The following C1orf105 variants were observed in gnomAD, a reference collection of about 807,000 sequenced individuals.
C1orf105 encodes the protein chromosome 1 open reading frame 105, also known as uncharacterized protein C1orf105.
C1orf105 carries 17 observed loss-of-function variants against 20.8 expected under a neutral mutation model. The observed-to-expected ratio is 0.82, with a 90% CI of 0.56 to 1.23. C1orf105 has a LOEUF of 1.23. Ranked by LOEUF, C1orf105 falls within the 50% of genes most tolerant of loss-of-function variation. The pLI, the probability that C1orf105 is intolerant of heterozygous loss-of-function variation, is 0.00. For synonymous variants in C1orf105, 72 were observed against 72.1 expected (o/e 1.00, Z 0.01); for missense variants, 219 against 213.5 (o/e 1.03, Z -0.16).
chr1:172,460,227 C>T (rs1558144232), intron 4 of C1orf105, among the ~76,000 whole-genome samples: 1 of 152,104 alleles, frequency 6.6e-6, no homozygotes, highest in Non-Finnish European at 1.5e-5. Context: ...AAGAAATTAG[C>T]ACTAAATAAA....
chr1:172,467,031 C>T (rs907420544), intron 6 of C1orf105, among the ~76,000 whole-genome samples: 1 of 152,224 alleles, frequency 6.6e-6, no homozygotes, highest in Non-Finnish European at 1.5e-5. Flanking sequence ...GGCTTGGCCT[C>T]TGTGTTCCCA....
At chr1:172,445,388 C>A (rs980233463) in intron 2 of C1orf105, among the ~76,000 whole-genome samples, 13 of 152,208 alleles carry the variant, frequency 8.5e-5, no homozygotes, top group African/African-American at 3.1e-4. Context: ...CCACCACTAC[C>A]ACTCAACAGT....
At position 172,462,218 on chromosome 1, in the gene C1orf105, C is replaced by T; in HGVS notation, c.314C>T (p.Ala105Val). 6.2e-7 allele frequency: 1 copy of T among 1,609,826 alleles called. No individual in the cohort carries two copies. The highest frequency in any genetic ancestry group is 8.5e-7 in the Non-Finnish European group (1 of 1,178,110). ...RTMKIPDDPK[A>V]SFENCMSYRM... The stretch of plus-strand genomic sequence containing the variant: ...ATGAAAATCCCAGATGATCCAAAAG[C>T]ATCCTTTGAGAATTGTATGAGTTAT... Residue 105 changes from alanine to valine, a missense_variant, in exon 5 of 7, where the codon GCA becomes GTA. By Grantham distance (64) the Ala-to-Val change is moderately conservative. Transcript: ENST00000367727.
At chr1:172,446,489 T>C (rs1648017766) in intron 2 of C1orf105, among the ~76,000 whole-genome samples, 1 of 152,162 alleles carries the variant, frequency 6.6e-6, no homozygotes, top group African/African-American at 2.4e-5. Context: ...GGCATGTGAG[T>C]CCAGAGGCCA....
chr1:172,445,236 A>G (rs2149173505), intron 2 of C1orf105, 78 bp downstream of exon 2: 1 of 1,149,508 alleles, frequency 8.7e-7, no homozygotes, highest in African/African-American at 1.5e-5. Context: ...GGATGGGGAC[A>G]ATTATCAGAG....
At chr1:172,437,728 T>TATAATAATAATAATA (rs71111014) in intron 1 of C1orf105, among the ~76,000 whole-genome samples, 118 of 144,034 alleles carry the variant, frequency 8.2e-4, no homozygotes, top group African/African-American at 1.9e-3. Flanking sequence ...GAACTTAAAG[T>TATAATAATAATAATA]ATAATAATAA....
chr1:172,428,623 T>TA (rs2071783521), intron 1 of C1orf105, among the ~76,000 whole-genome samples: 2 of 152,312 alleles, frequency 1.3e-5, no homozygotes, highest in South Asian at 4.1e-4. Flanking sequence ...AAGTCTTTGG[T>TA]AAAATGTTAC....
chr1:172,453,268 T>C (rs1648868133), intron 3 of C1orf105: 6 of 1,436,352 alleles, frequency 4.2e-6, no homozygotes, highest in Non-Finnish European at 3.7e-6. Context: ...AGCATCCGCC[T>C]CTGTCTTTTT....
At position 172,420,784 on chromosome 1, in the gene C1orf105, G is replaced by A. The variant is rs1223828889; in HGVS notation, c.-102G>A. ...TCGTCTCCTAACAAAAAACACTTTG[G>A]ATTCAGGTTCTCCACAGCAGTCTTC... On this transcript the variant is annotated 5_prime_UTR_variant, in exon 1 of 7. Transcript: ENST00000367727. The A allele has an allele frequency of 8.3e-6, 10 of 1,205,004 alleles. No homozygotes were observed. The highest frequency in any genetic ancestry group is 1.2e-6 in the Non-Finnish European group (1 of 832,286). 74.6% of individuals were successfully genotyped at this position (1,205,004 alleles called of 1,614,324 possible).
intron 1 of C1orf105, among the ~76,000 whole-genome samples, chr1:172,427,606 TA>T (rs2071755649): frequency 6.6e-6 from 1 of 152,192 alleles, no homozygotes; most frequent in Admixed American, 6.5e-5. Context: ...CTTTTAAATG[TA>T]AAGGTCAATT....
intron 2 of C1orf105, among the ~76,000 whole-genome samples, chr1:172,448,212 G>T (rs1020016620): frequency 6.6e-6 from 1 of 152,180 alleles, no homozygotes; most frequent in South Asian, 2.1e-4. Flanking sequence ...TTTGTACAGT[G>T]TCTGACAATC....
At chr1:172,465,188 A>C (rs113467937) in intron 5 of C1orf105, 111 bp from the exon 6 acceptor site, 11 of 385,476 alleles carry the variant, frequency 2.9e-5, no homozygotes, top group African/African-American at 1.5e-4. Context: ...CCATCTCAAT[A>C]ATAATAATAA....
chr1:172,456,467 C>T lies in C1orf105; in HGVS notation c.251C>T (p.Ser84Phe). The change falls in exon 4 of 7, where the codon TCC becomes TTC. Residue 84 changes from serine (S) to phenylalanine (F), a missense_variant. Transcript: ENST00000367727. ...CTGCTCAGAAACCAACAGCTGTGCTCCACATGTCAAGAAATGAAAATGGTA... is the reference window on the plus strand; with the variant it reads ...CTGCTCAGAAACCAACAGCTGTGCTTCACATGTCAAGAAATGAAAATGGTA... ...SMLLRNQQLC[S>F]TCQEMKMVQP... 3.1e-6 allele frequency: 5 copies of T among 1,613,508 alleles called. No homozygotes were observed. The highest frequency in any genetic ancestry group is 2.2e-5 in the South Asian group (2 of 91,066).
At chr1:172,468,351 T>G in intron 6 of C1orf105, 98 bp from the exon 7 acceptor site, 1 of 919,516 alleles carries the variant, frequency 1.1e-6, no homozygotes, top group Non-Finnish European at 1.5e-6. Context: ...TTTTATAAGG[T>G]TGAAGAAGTC....
chr1:172,442,055 C>T, intron 1 of C1orf105: 1 of 1,614,132 alleles, frequency 6.2e-7, no homozygotes, highest in East Asian at 2.2e-5. Flanking sequence ...AGACGTGATG[C>T]CAAGCATACA....
rs181861975 is a variant in C1orf105, at chr1:172,426,503, C to T, written c.21+5597C>T. Among the ~76,000 whole-genome samples the T allele has an allele frequency of 1.7e-3, 257 of 152,140 alleles. 1 individual carries two copies. Among genetic ancestry groups the T allele is most frequent in the South Asian group, 3.5e-3 (17 of 4,812 alleles). ...GTTTTAATTCTTGGGGATTTTCATACGCTTCTTGGTAATCCACCCTCACCC... is the reference window on the plus strand; with the variant it reads ...GTTTTAATTCTTGGGGATTTTCATATGCTTCTTGGTAATCCACCCTCACCC... On this transcript the variant is annotated intron_variant, in intron 1 of 6. Transcript: ENST00000367727.
chr1:172,450,378 G>T (rs373081038), intron 3 of C1orf105, among the ~76,000 whole-genome samples: 1 of 152,182 alleles, frequency 6.6e-6, no homozygotes. Flanking sequence ...ATTCTTTCCC[G>T]TCACACAGAC....
intron 3 of C1orf105, chr1:172,451,198 A>T (rs1573874789): frequency 6.6e-6 from 1 of 152,218 alleles, no homozygotes; most frequent in Admixed American, 6.5e-5. Context: ...GTGTAAATTA[A>T]CTAGAGCTCC....
rs534329579 is a variant in C1orf105, at chr1:172,444,342, G to A, written c.22-731G>A. The A allele has an allele frequency of 3.1e-4, 305 of 971,312 alleles. 3 individuals carry two copies. The highest frequency in any genetic ancestry group is 3.3e-5 in the Non-Finnish European group (27 of 817,104). 60.2% of individuals were successfully genotyped at this position (971,312 alleles called of 1,614,324 possible). A position where few individuals can be genotyped will look rare whatever the true frequency, so the allele number is the denominator to read the frequency against. On this transcript the variant is annotated intron_variant, in intron 1 of 6. Coordinates refer to ENST00000367727, the MANE Select transcript of C1orf105 (RefSeq NM_139240.4). Reference sequence around the variant, plus strand: ...GGCCAGTAGGTGAGAGATAATGGCCGCTTTTGTTGCGCTCCTTTATTAAGT... The same window carrying A: ...GGCCAGTAGGTGAGAGATAATGGCCACTTTTGTTGCGCTCCTTTATTAAGT...
Sources: allele counts gnomAD v4.1 joint callset (sites outside exome capture counted in the v4.1 genomes callset), GRCh38; gene constraint gnomAD v4.1.1; transcripts MANE v1.5; gene names NCBI Gene and HGNC (gene_info 2026-07-23, HGNC 2026-07-21).